Variants in DYRK4 observed in about 807,000 individuals in gnomAD.
DYRK4 encodes the protein dual specificity tyrosine phosphorylation regulated kinase 4.
A neutral mutation model predicts 68.3 loss-of-function variants in DYRK4; 64 were observed. That is an observed-to-expected ratio of 0.94 (90% confidence interval 0.77 to 1.15). DYRK4 has a LOEUF of 1.15. Among genes scored for constraint, DYRK4 ranks in the 50% most tolerant of loss-of-function variants. The pLI, the probability that DYRK4 is intolerant of heterozygous loss-of-function variation, is 0.00. For synonymous variants in DYRK4, 274 were observed against 289.9 expected, an observed-to-expected ratio of 0.95 and a Z score of 0.56; for missense variants, 740 against 764.7, an observed-to-expected ratio of 0.97 and a Z score of 0.38.
intron 2 of DYRK4, among the ~76,000 whole-genome samples, chr12:4,586,501 C>A (rs1023860970): frequency 6.6e-6 from 1 of 152,152 alleles, no homozygotes; most frequent in African/African-American, 2.4e-5. Flanking sequence ...TGCCTCCCAG[C>A]GATCCCTTGG....
At position 4,604,936 on chromosome 12, in the gene DYRK4, G is replaced by C. The variant is rs554834276; in HGVS notation, c.1149G>C (p.Arg383=). 3.1e-6 allele frequency: 5 copies of C among 1,611,056 alleles called. No individual in the cohort carries two copies. The South Asian group carries it at 4.4e-5, about 14-fold the overall frequency. The stretch of plus-strand genomic sequence containing the variant: ...CAGTATACACGTACATCCAAAGCCG[G>C]TTCTACCGATCCCCAGAAGTGATCC... The part of the protein sequence containing the change: ...HQKVYTYIQS[R]FYRSPEVILG... Residue 383 remains arginine (R), a synonymous_variant, in exon 11 of 15, where the codon CGG becomes CGC. Coordinates refer to ENST00000543431, the MANE Select transcript of DYRK4 (RefSeq NM_001394779.1).
chr12:4,582,074 G>A (rs1247119068), intron 2 of DYRK4, among the ~76,000 whole-genome samples: 2 of 152,176 alleles, frequency 1.3e-5, no homozygotes, highest in African/African-American at 2.4e-5. Flanking sequence ...ACTCAAAAGT[G>A]GAGCATTTCA....
At chr12:4,575,796 G>A (rs370442335) in intron 2 of DYRK4, among the ~76,000 whole-genome samples, 1 of 151,998 alleles carries the variant, frequency 6.6e-6, no homozygotes, top group Non-Finnish European at 1.5e-5. Flanking sequence ...TACATATTCT[G>A]TCTACTCATC....
chr12:4,576,841 T>C (rs1178560689), intron 2 of DYRK4, among the ~76,000 whole-genome samples: 3 of 152,254 alleles, frequency 2.0e-5, no homozygotes, highest in Non-Finnish European at 4.4e-5. Flanking sequence ...GATATTTTGC[T>C]AATTTTTAAT....
intron 1 of DYRK4, chr12:4,563,234 TTC>T (rs1451034508): frequency 2.0e-4 from 86 of 429,702 alleles, no homozygotes; most frequent in Non-Finnish European, 3.1e-4. Flanking sequence ...ACCTTATTGT[TTC>T]TGTTACTTAA....
In DYRK4 at chr12:4,562,211, G is replaced by T. The variant is rs1225919094; in HGVS notation, c.-35G>T. The T allele has an allele frequency of 6.6e-7, 1 of 1,523,330 alleles. No homozygotes were observed. The highest frequency in any genetic ancestry group is 8.8e-7 in the Non-Finnish European group (1 of 1,140,826). 94.4% of individuals were successfully genotyped at this position (1,523,330 alleles called of 1,614,324 possible). A position where few individuals can be genotyped will look rare whatever the true frequency, so the allele number is the denominator to read the frequency against. On this transcript the variant is annotated 5_prime_UTR_variant, in exon 1 of 15. Coordinates refer to ENST00000543431, the MANE Select transcript of DYRK4 (RefSeq NM_001394779.1). ...CCTTGCCCTCTGCCGGGCTCTCACA[G>T]CCTCCCGCAGCGGCGGGCGGTCAGC...
At chr12:4,610,469 T>C in intron 13 of DYRK4, 185 bp downstream of exon 13, 1 of 532,934 alleles carries the variant, frequency 1.9e-6, no homozygotes, top group East Asian at 3.6e-5. Flanking sequence ...CTCTCCCTAC[T>C]GTGTGGTTGT....
At position 4,613,739 on chromosome 12, in the gene DYRK4, C is replaced by T. The variant is rs1175597883; in HGVS notation, c.1891C>T (p.Pro631Ser). ...NFSLKNTNVLPPIV is the reference protein window; with the variant it reads ...NFSLKNTNVLSPIV Reference sequence around the variant, plus strand: ...CTCCCTCAAGAACACAAACGTTTTACCCCCTATTGTATGACCTTTGCTGAG... The same window carrying T: ...CTCCCTCAAGAACACAAACGTTTTATCCCCTATTGTATGACCTTTGCTGAG... Residue 631 changes from proline (P) to serine (S), a missense_variant, in exon 15 of 15, where the codon CCC becomes TCC. Pro to Ser is a moderately conservative substitution (Grantham distance 74). This residue lies in a region of DYRK4 where 614 missense variants were observed against 603.7 expected (regional missense o/e 1.02). Transcript: ENST00000543431. The surrounding 1 kb of genome is among the most constrained non-coding windows in gnomAD (Gnocchi z 4.0). 2.6e-6 allele frequency: 4 copies of T among 1,567,204 alleles called. No individual in the cohort carries two copies. Among genetic ancestry groups the T allele is most frequent in the African/African-American group, 1.4e-5 (1 of 73,992 alleles).
At chr12:4,610,458 T>C in intron 13 of DYRK4, 174 bp downstream of exon 13, 1 of 584,492 alleles carries the variant, frequency 1.7e-6, no homozygotes. Flanking sequence ...TCATCAGACA[T>C]CTCTCCCTAC....
chr12:4,581,307 G>T (rs933440428), intron 2 of DYRK4, among the ~76,000 whole-genome samples: 1 of 152,188 alleles, frequency 6.6e-6, no homozygotes, highest in African/African-American at 2.4e-5. Flanking sequence ...CTGACACAGA[G>T]ATTACATAGT....
chr12:4,607,230 C>G (rs1945162991), intron 11 of DYRK4, 97 bp from the exon 12 acceptor site: 1 of 1,370,914 alleles, frequency 7.3e-7, no homozygotes, highest in Non-Finnish European at 1.0e-6. Flanking sequence ...GAATCCTTAT[C>G]TGTAGAAGGC....
intron 10 of DYRK4, among the ~76,000 whole-genome samples, chr12:4,601,548 T>C (rs954395958): frequency 2.6e-5 from 4 of 152,088 alleles, no homozygotes; most frequent in African/African-American, 9.7e-5. Context: ...CAGATGTCCA[T>C]GATGAAGTAA....
intron 10 of DYRK4, chr12:4,601,933 C>A (rs1945086303): frequency 1.1e-5 from 3 of 267,372 alleles, no homozygotes; most frequent in Non-Finnish European, 1.4e-5. Flanking sequence ...GTTTGAATAC[C>A]AAAGTTGCAT....
At position 4,590,280 on chromosome 12, in the gene DYRK4, C is replaced by T. The variant is rs185875180; in HGVS notation, c.214-50C>T. The T allele has an allele frequency of 7.3e-5, 110 of 1,500,208 alleles. 1 individual carries two copies. In the East Asian group the frequency reaches 2.0e-3, roughly 28 times the overall value. 92.9% of individuals were successfully genotyped at this position (1,500,208 alleles called of 1,614,324 possible). The stretch of plus-strand genomic sequence containing the variant: ...GGCTGGAAGAAATGACCCCTGGAGA[C>T]GTTTTCTTGCCTAAGGCTTTTGTAA... On this transcript the variant is annotated intron_variant, in intron 3 of 14. Coordinates refer to ENST00000543431, the MANE Select transcript of DYRK4 (RefSeq NM_001394779.1).
In DYRK4 at chr12:4,591,520, G is replaced by A. The variant is rs1944954503; in HGVS notation, c.463+222G>A. On this transcript the variant is annotated intron_variant, in intron 5 of 14. Transcript: ENST00000543431. This position sits in a 1 kb window ranked among gnomAD's most constrained non-coding sequence, Gnocchi z 4.1. The stretch of plus-strand genomic sequence containing the variant: ...AATTTCCCCCAAGGAGTGGCTCTGG[G>A]CAAGGGCGGGATGTACCAATGCAGA... The A allele has an allele frequency of 5.1e-5, 30 of 584,494 alleles. No individual in the cohort carries two copies. The South Asian group carries it at 8.3e-4, about 16-fold the overall frequency. 36.2% of individuals were successfully genotyped at this position (584,494 alleles called of 1,614,324 possible). A position where few individuals can be genotyped will look rare whatever the true frequency, so the allele number is the denominator to read the frequency against.
rs528863062 is a variant in DYRK4, at chr12:4,586,703, C to T, written c.133-2234C>T. ...CTGGGGCTGCTAAACTCCTGGGCTG[C>T]GTACACACACACACACACACACACA... On this transcript the variant is annotated intron_variant, in intron 2 of 14. Transcript: ENST00000543431. Among the ~76,000 whole-genome samples the T allele has an allele frequency of 7.8e-4, 97 of 124,464 alleles. 1 individual carries two copies. The highest frequency in any genetic ancestry group is 2.5e-3 in the African/African-American group (82 of 32,644). The allele number at this position is 124,464 out of a possible 152,430, so 81.7% of individuals were successfully genotyped here.
chr12:4,577,941 G>T (rs1304196832), intron 2 of DYRK4, among the ~76,000 whole-genome samples: 2 of 152,090 alleles, frequency 1.3e-5, no homozygotes, highest in African/African-American at 2.4e-5. Context: ...GTTCATTTCT[G>T]TATATAAGAG....
At chr12:4,585,274 C>T (rs1944884789) in intron 2 of DYRK4, among the ~76,000 whole-genome samples, 1 of 152,208 alleles carries the variant, frequency 6.6e-6, no homozygotes, top group Non-Finnish European at 1.5e-5. Context: ...GAAGCTCTCC[C>T]AGCGTAGTTT....
intron 2 of DYRK4, among the ~76,000 whole-genome samples, chr12:4,575,939 C>A (rs1944784871): frequency 6.6e-6 from 1 of 152,136 alleles, no homozygotes; most frequent in Non-Finnish European, 1.5e-5. Flanking sequence ...TCCATATAAC[C>A]CATTCCTCTT....
Sources: gnomAD v4.1 joint callset for allele counts (sites outside exome capture counted in the v4.1 genomes callset) on GRCh38, gnomAD v4.1.1 for gene constraint, gnomAD v4.1.1 regional missense constraint, Gnocchi (gnomAD v3.1) non-coding constraint, MANE v1.5 for transcripts, NCBI Gene and HGNC (gene_info 2026-07-23, HGNC 2026-07-21) for gene names.